UST: variants seen among roughly 807,000 people sequenced by gnomAD.
UST encodes the protein uronyl 2-sulfotransferase.
A neutral mutation model predicts 45.6 loss-of-function variants in UST; 21 were observed. The observed-to-expected ratio is 0.46, with a 90% confidence interval of 0.33 to 0.66. The LOEUF is 0.66. Ranked by LOEUF, UST falls within the 30% of genes least tolerant of loss-of-function variation. The pLI is 0.02. For missense variants in UST, 463 were observed against 512.4 expected (o/e 0.90, Z 0.93); for synonymous variants, 215 against 200.6 (o/e 1.07, Z -0.61).
intron 1 of UST, among the ~76,000 whole-genome samples, chr6:148,867,114 C>T (rs960207567): frequency 2.6e-5 from 4 of 152,118 alleles, no homozygotes; most frequent in East Asian, 1.9e-4. Context: ...CAGGTCCTAC[C>T]ACTGCACTGG....
chr6:148,799,058 C>T (rs1293277277), intron 1 of UST, among the ~76,000 whole-genome samples: 23 of 151,976 alleles, frequency 1.5e-4, no homozygotes, highest in African/African-American at 5.1e-4. Context: ...TTCGTACAGA[C>T]GGGGTTTTGC....
chr6:148,946,553 T>G (rs1232989980), intron 3 of UST, among the ~76,000 whole-genome samples: 7 of 131,712 alleles, frequency 5.3e-5, no homozygotes. Context: ...GGCTCATACC[T>G]GTAATCTCAG....
chr6:148,980,649 T>G (rs1206021032), intron 5 of UST, among the ~76,000 whole-genome samples: 1 of 152,138 alleles, frequency 6.6e-6, no homozygotes, highest in African/African-American at 2.4e-5. Context: ...ACATCATCTT[T>G]CAGAAAAAGC....
At chr6:149,010,136 TA>T (rs1216573514) in intron 5 of UST, among the ~76,000 whole-genome samples, 1 of 152,212 alleles carries the variant, frequency 6.6e-6, no homozygotes, top group Non-Finnish European at 1.5e-5. Flanking sequence ...TGACTGCAGT[TA>T]TTTACAATGA....
chr6:148,972,645 C>T (rs989646378), intron 5 of UST, among the ~76,000 whole-genome samples: 5 of 152,290 alleles, frequency 3.3e-5, no homozygotes, highest in African/African-American at 1.2e-4. Flanking sequence ...GGCCACCTGT[C>T]AGCTGAGCTC....
At chr6:148,822,584 A>G (rs974167063) in intron 1 of UST, among the ~76,000 whole-genome samples, 2 of 152,218 alleles carry the variant, frequency 1.3e-5, no homozygotes, top group Non-Finnish European at 2.9e-5. Flanking sequence ...ACCAAGCCCC[A>G]TGCATTGTCT....
At chr6:148,876,490 G>T (rs1483995311) in intron 1 of UST, among the ~76,000 whole-genome samples, 1 of 152,138 alleles carries the variant, frequency 6.6e-6, no homozygotes, top group Non-Finnish European at 1.5e-5. Context: ...CACTCGGCTA[G>T]TAGAGGGCAG....
intron 4 of UST, 51 bp from the exon 5 acceptor site, chr6:148,964,359 C>A (rs527919861): frequency 4.4e-6 from 7 of 1,602,242 alleles, no homozygotes; most frequent in Non-Finnish European, 6.0e-6. Flanking sequence ...TAAGTAGGCC[C>A]TGTTTTCGTC....
At chr6:149,064,497 T>C (rs373301062) in intron 7 of UST, among the ~76,000 whole-genome samples, 14 of 152,192 alleles carry the variant, frequency 9.2e-5, no homozygotes, top group Non-Finnish European at 1.9e-4. Flanking sequence ...ATGATGATGA[T>C]GCCCCATTCA....
chr6:148,932,926 G>A (rs905725587), intron 2 of UST, among the ~76,000 whole-genome samples: 1 of 152,088 alleles, frequency 6.6e-6, no homozygotes, highest in Non-Finnish European at 1.5e-5. Flanking sequence ...TATGGCACAT[G>A]GACAGGGAGG....
At chr6:148,945,948 G>A (rs910290454) in intron 3 of UST, among the ~76,000 whole-genome samples, 1 of 152,192 alleles carries the variant, frequency 6.6e-6, no homozygotes, top group African/African-American at 2.4e-5. Context: ...ACCTTGAAGA[G>A]TTATATAAAG....
chr6:148,989,223 C>A (rs6916019), intron 5 of UST, among the ~76,000 whole-genome samples: 62,394 of 126,858 alleles, frequency 0.49, 16,218 homozygotes, highest in Non-Finnish European at 0.58. Flanking sequence ...CCCCCCACCC[C>A]CCGCAAATGA....
At chr6:149,052,147 A>G (rs536675353) in intron 7 of UST, among the ~76,000 whole-genome samples, 1 of 152,370 alleles carries the variant, frequency 6.6e-6, no homozygotes, top group Non-Finnish European at 1.5e-5. Context: ...GGAGCAGAGC[A>G]TCTCAAAGTC....
chr6:148,781,040 A>AACT (rs1562255472), intron 1 of UST, among the ~76,000 whole-genome samples: 1 of 152,182 alleles, frequency 6.6e-6, no homozygotes, highest in Non-Finnish European at 1.5e-5. Flanking sequence ...TAGGTCAGTT[A>AACT]ATAACCCCAC....
At chr6:148,944,561 T>A (rs1298105587) in intron 3 of UST, among the ~76,000 whole-genome samples, 1 of 149,808 alleles carries the variant, frequency 6.7e-6, no homozygotes, top group Admixed American at 6.7e-5. Flanking sequence ...CTAAATTTTT[T>A]AAATCTATTA....
At position 148,945,722 on chromosome 6, in the gene UST, T is replaced by G. The variant is rs117631677; in HGVS notation, c.447+4288T>G. ...AAAACAAAACTGCAAACAAACTGTTTGACTGGATTTCACCTAGCGTTTTTG... is the reference window on the plus strand; with the variant it reads ...AAAACAAAACTGCAAACAAACTGTTGGACTGGATTTCACCTAGCGTTTTTG... On this transcript the variant is annotated intron_variant, in intron 3 of 7. Transcript: ENST00000367463. Among the ~76,000 whole-genome samples, 831 of 152,380 alleles carry G rather than the reference T, an allele frequency of 5.5e-3. 3 individuals are homozygous for G. The highest frequency in any genetic ancestry group is 8.5e-3 in the Non-Finnish European group (579 of 68,034).
At chr6:148,990,555 C>T (rs761460370) in intron 5 of UST, 7 of 396,000 alleles carry the variant, frequency 1.8e-5, no homozygotes, top group African/African-American at 2.2e-5. Context: ...TCTTAGCCCA[C>T]GAAAGCTTTA....
intron 1 of UST, among the ~76,000 whole-genome samples, chr6:148,810,663 G>A (rs1420995639): frequency 6.6e-6 from 1 of 152,116 alleles, no homozygotes. Context: ...TTGGATGTGG[G>A]CTCAACTCTC....
intron 4 of UST, among the ~76,000 whole-genome samples, chr6:148,961,116 C>CA (rs940826682): frequency 7.3e-5 from 11 of 151,684 alleles, no homozygotes; most frequent in South Asian, 2.1e-4. Flanking sequence ...ATCTTCTCAT[C>CA]AAAAAAAATG....
Sources: allele counts gnomAD v4.1 joint callset (sites outside exome capture counted in the v4.1 genomes callset), GRCh38; gene constraint gnomAD v4.1.1; transcripts MANE v1.5; gene names NCBI Gene and HGNC (gene_info 2026-07-23, HGNC 2026-07-21).